Variants in KDM4C observed in about 807,000 individuals in gnomAD.
KDM4C encodes the protein lysine-specific demethylase 4C.
Under a neutral mutation model 129.3 loss-of-function variants are expected in KDM4C, and 81 were observed. The ratio of observed to expected loss-of-function variants is 0.63; its 90% CI spans 0.52 to 0.75. The LOEUF (loss-of-function observed/expected upper bound fraction) is 0.75. Among genes scored for constraint, KDM4C ranks in the 30% least tolerant of loss-of-function variants. The probability of loss-of-function intolerance (pLI) is 0.00; values close to 1 mark genes in which losing one functional copy is unlikely to be tolerated. For synonymous variants in KDM4C, 573 were observed against 456.1 expected, an observed-to-expected ratio of 1.26 and a Z score of -3.26; for missense variants, 1,457 against 1,304.0, an observed-to-expected ratio of 1.12 and a Z score of -1.81.
chr9:6,973,574 G>T (rs1254685271), intron 8 of KDM4C, among the ~76,000 whole-genome samples: 2 of 152,122 alleles, frequency 1.3e-5, no homozygotes, highest in Non-Finnish European at 2.9e-5. Flanking sequence ...AAATTAGTAT[G>T]ACATATAGCA....
chr9:7,094,014 A>G (rs1462448622), intron 17 of KDM4C, among the ~76,000 whole-genome samples: 2 of 152,236 alleles, frequency 1.3e-5, no homozygotes, highest in Admixed American at 1.3e-4. Context: ...TGTATCAGGT[A>G]CTGTGCTAAA....
chr9:6,930,157 C>A (rs1034232548), intron 8 of KDM4C, among the ~76,000 whole-genome samples: 2 of 152,186 alleles, frequency 1.3e-5, no homozygotes, highest in African/African-American at 4.8e-5. Flanking sequence ...AAATTATTAG[C>A]AGTCAGCAGT....
At chr9:6,832,891 C>T (rs894839341) in intron 4 of KDM4C, among the ~76,000 whole-genome samples, 9 of 144,218 alleles carry the variant, frequency 6.2e-5, no homozygotes, top group South Asian at 2.3e-4. Context: ...CCTTGCCTGG[C>T]TAATTTTTGT....
At chr9:7,104,826 C>T (rs1035148570) in intron 18 of KDM4C, among the ~76,000 whole-genome samples, 3 of 152,208 alleles carry the variant, frequency 2.0e-5, no homozygotes, top group African/African-American at 7.2e-5. Flanking sequence ...CCTGCCAAGT[C>T]GTCAGCATTG....
intron 1 of KDM4C, among the ~76,000 whole-genome samples, chr9:6,763,480 G>A (rs1450911946): frequency 6.6e-6 from 1 of 152,120 alleles, no homozygotes; most frequent in African/African-American, 2.4e-5. Flanking sequence ...CATTACTTGT[G>A]TATCTCTCTT....
intron 17 of KDM4C, among the ~76,000 whole-genome samples, chr9:7,097,292 C>T (rs934473120): frequency 1.3e-5 from 2 of 152,216 alleles, no homozygotes; most frequent in African/African-American, 2.4e-5. Flanking sequence ...CTGGTGCTGA[C>T]GCACTGCACA....
chr9:6,741,272 G>A (rs949276791), intron 1 of KDM4C, among the ~76,000 whole-genome samples: 3 of 151,916 alleles, frequency 2.0e-5, no homozygotes, highest in Non-Finnish European at 4.4e-5. Flanking sequence ...GTGCGTGCGT[G>A]TAGTCCCAGC....
chr9:7,020,074 C>T (rs1286997585), intron 15 of KDM4C, among the ~76,000 whole-genome samples: 6 of 152,094 alleles, frequency 3.9e-5, no homozygotes, highest in African/African-American at 1.4e-4. Flanking sequence ...AGATTAGCTT[C>T]AGACGTCACT....
upstream of KDM4C, chr9:6,757,886 G>T: frequency 1.0e-6 from 1 of 985,474 alleles, no homozygotes; most frequent in Non-Finnish European, 1.2e-6. Flanking sequence ...AGCGTGCCGG[G>T]CACCTTTAAG....
At chr9:6,997,866 A>C (rs1820049516) in intron 12 of KDM4C, among the ~76,000 whole-genome samples, 2 of 152,226 alleles carry the variant, frequency 1.3e-5, no homozygotes, top group African/African-American at 2.4e-5. Context: ...ATTAATCTAA[A>C]CTTTTACTTA....
chr9:7,015,748 G>T, intron 14 of KDM4C, 105 bp from the exon 15 acceptor site: 1 of 711,858 alleles, frequency 1.4e-6, no homozygotes, highest in African/African-American at 1.8e-5. Context: ...AATCAAGACA[G>T]TATGGTAGGC....
intron 15 of KDM4C, among the ~76,000 whole-genome samples, chr9:7,029,680 C>T (rs192970603): frequency 6.6e-6 from 1 of 152,240 alleles, no homozygotes. Flanking sequence ...AGATGTTTCT[C>T]TCCAGGAAAT....
intron 8 of KDM4C, among the ~76,000 whole-genome samples, chr9:6,969,155 C>G (rs1229076773): frequency 6.6e-6 from 1 of 152,102 alleles, no homozygotes; most frequent in African/African-American, 2.4e-5. Flanking sequence ...AGGCTGGTCT[C>G]GAACTCCTGA....
chr9:6,811,327 TG>T lies in KDM4C; in HGVS notation c.321-3303del, dbSNP rs1831106389. ...TGCCACCATGCCTGGCTAAGTTTTT[TG>T]TATTTTAATGGAGATGGGGTTTCAA... On this transcript the variant is annotated intron_variant, in intron 3 of 21. Coordinates refer to ENST00000381309, the MANE Select transcript of KDM4C (RefSeq NM_015061.6). Among the ~76,000 whole-genome samples the T allele has an allele frequency of 3.9e-5, 6 of 152,172 alleles. No homozygotes were observed. The South Asian group carries it at 1.2e-3, about 32-fold the overall frequency.
intron 18 of KDM4C, among the ~76,000 whole-genome samples, chr9:7,114,547 T>C (rs1294318432): frequency 6.6e-6 from 1 of 152,242 alleles, no homozygotes; most frequent in Non-Finnish European, 1.5e-5. Flanking sequence ...TAATGTGGTT[T>C]CAGGAGAAAT....
At chr9:6,942,794 G>A (rs2131411056) in intron 8 of KDM4C, among the ~76,000 whole-genome samples, 1 of 152,268 alleles carries the variant, frequency 6.6e-6, no homozygotes, top group African/African-American at 2.4e-5. Context: ...CAAAACTCAA[G>A]GAATATAGAA....
At chr9:7,135,425 A>G (rs1056425509) in intron 19 of KDM4C, among the ~76,000 whole-genome samples, 2 of 152,156 alleles carry the variant, frequency 1.3e-5, no homozygotes, top group Non-Finnish European at 1.5e-5. Flanking sequence ...TCTTCAGCCT[A>G]AAGAATCAAA....
chr9:7,099,406 T>G (rs1836822562), intron 17 of KDM4C, among the ~76,000 whole-genome samples: 1 of 152,200 alleles, frequency 6.6e-6, no homozygotes, highest in Non-Finnish European at 1.5e-5. Context: ...CTCAATCCAT[T>G]AGTAGCCTTA....
intron 15 of KDM4C, among the ~76,000 whole-genome samples, chr9:7,028,286 G>T (rs12349463): frequency 1.3e-5 from 2 of 151,808 alleles, no homozygotes; most frequent in African/African-American, 4.8e-5. Flanking sequence ...GGGCTCAAGG[G>T]CTGTTTAGTC....
Sources: gnomAD v4.1 joint callset for allele counts (sites outside exome capture counted in the v4.1 genomes callset) on GRCh38, gnomAD v4.1.1 for gene constraint, MANE v1.5 for transcripts, NCBI Gene and HGNC (gene_info 2026-07-23, HGNC 2026-07-21) for gene names.